Variants in SOX6 observed in about 807,000 individuals in gnomAD.
The protein encoded by SOX6 is transcription factor SOX-6.
A neutral mutation model predicts 97.8 loss-of-function variants in SOX6; 11 were observed. The observed-to-expected ratio is 0.11, with a 90% CI of 0.07 to 0.19. SOX6 has a LOEUF of 0.19. Ranked by LOEUF, SOX6 falls within the 10% of genes least tolerant of loss-of-function variation. SOX6 has a pLI of 1.00. For synonymous variants in SOX6, 360 were observed against 371.4 expected (o/e 0.97, Z 0.35); for missense variants, 810 against 1,039.5 (o/e 0.78, Z 3.04).
At chr11:16,282,284 AT>A (rs1854588659) in intron 3 of SOX6, among the ~76,000 whole-genome samples, 1 of 151,342 alleles carries the variant, frequency 6.6e-6, no homozygotes, top group African/African-American at 2.4e-5. Context: ...AAGAATATGT[AT>A]TTGATGAAAG....
intron 1 of SOX6, chr11:16,382,481 C>T (rs1338683310): frequency 3.9e-5 from 6 of 151,998 alleles, no homozygotes; most frequent in Non-Finnish European, 8.8e-5. Context: ...TTGCTATTTG[C>T]ACTTTCAATA....
At position 16,154,591 on chromosome 11, in the gene SOX6, G is replaced by C. The variant is rs560778531; in HGVS notation, c.777+29295C>G. Among the ~76,000 whole-genome samples, 4 of 152,094 alleles carry C rather than the reference G, an allele frequency of 2.6e-5. No homozygotes were observed. The South Asian group carries it at 8.3e-4, about 31-fold the overall frequency. On this transcript the variant is annotated intron_variant, in intron 6 of 15. Coordinates refer to ENST00000683767, the MANE Select transcript of SOX6 (RefSeq NM_001367873.1). Reference sequence around the variant, plus strand: ...ATCACCTGTCTCCGAATTAAATTAAGTACAGTGGTCTTCTGAATCATTCAA... The same window carrying C: ...ATCACCTGTCTCCGAATTAAATTAACTACAGTGGTCTTCTGAATCATTCAA...
At chr11:16,181,671 A>T (rs886840849) in intron 6 of SOX6, among the ~76,000 whole-genome samples, 3 of 151,632 alleles carry the variant, frequency 2.0e-5, no homozygotes, top group Admixed American at 6.6e-5. Context: ...CATTTGAAAA[A>T]TTTTTTGAAT....
At chr11:15,984,710 G>A (rs1479599119) in intron 15 of SOX6, among the ~76,000 whole-genome samples, 1 of 151,976 alleles carries the variant, frequency 6.6e-6, no homozygotes, top group African/African-American at 2.4e-5. Context: ...TAACATACTG[G>A]GATCTTTTAT....
At chr11:16,666,495 G>C (rs1847807693) in intron 3 of SOX6, among the ~76,000 whole-genome samples, 1 of 152,180 alleles carries the variant, frequency 6.6e-6, no homozygotes, top group Non-Finnish European at 1.5e-5. Flanking sequence ...TAGTGAGCTT[G>C]AAGACAGGCT....
intron 3 of SOX6, chr11:16,317,864 G>T: frequency 3.0e-6 from 1 of 333,228 alleles, no homozygotes; most frequent in Admixed American, 3.6e-5. Context: ...TTGTTTTCTA[G>T]GATGTACACG....
intron 6 of SOX6, among the ~76,000 whole-genome samples, chr11:16,144,474 G>A (rs1589970760): frequency 2.0e-5 from 3 of 152,258 alleles, no homozygotes; most frequent in African/African-American, 7.2e-5. Context: ...TCAAAAGCTA[G>A]CAGAAGGCAA....
chr11:16,431,316 G>A (rs1272481506), intron 1 of SOX6, among the ~76,000 whole-genome samples: 1 of 152,068 alleles, frequency 6.6e-6, no homozygotes, highest in African/African-American at 2.4e-5. Context: ...CTTAATGAGA[G>A]CAGGTATTTT....
chr11:16,640,504 C>G (rs979655258), intron 3 of SOX6, among the ~76,000 whole-genome samples: 4 of 152,154 alleles, frequency 2.6e-5, no homozygotes, highest in Admixed American at 2.6e-4. Context: ...CCTCCTTGTA[C>G]CTCTGGTAGA....
At chr11:16,470,372 T>C (rs1332788576) in intron 1 of SOX6, among the ~76,000 whole-genome samples, 2 of 152,186 alleles carry the variant, frequency 1.3e-5, no homozygotes, top group African/African-American at 2.4e-5. Flanking sequence ...GTCTGGGCTA[T>C]GCTCAGTTTT....
chr11:16,344,705 T>C (rs1856729403), intron 1 of SOX6, among the ~76,000 whole-genome samples: 1 of 152,008 alleles, frequency 6.6e-6, no homozygotes, highest in African/African-American at 2.4e-5. Flanking sequence ...ATATGACTAA[T>C]AAGTAAAAGA....
chr11:16,240,037 A>G (rs1335348970), intron 3 of SOX6, among the ~76,000 whole-genome samples: 1 of 152,114 alleles, frequency 6.6e-6, no homozygotes, highest in Non-Finnish European at 1.5e-5. Flanking sequence ...TGTTTACTCA[A>G]TATGAACAAT....
At chr11:16,436,689 C>T (rs1859382076) in intron 1 of SOX6, among the ~76,000 whole-genome samples, 1 of 152,148 alleles carries the variant, frequency 6.6e-6, no homozygotes, top group Non-Finnish European at 1.5e-5. Context: ...ATAATATCTA[C>T]TTTACTGGGT....
Position 16,452,003 on chromosome 11 carries a change from TAAA to T in SOX6, c.-5+24309_-5+24311del, listed in dbSNP as rs1487923046. Among the ~76,000 whole-genome samples the T allele has an allele frequency of 1.2e-3, 175 of 151,246 alleles. 1 individual carries two copies. The highest frequency in any genetic ancestry group is 7.7e-3 in the South Asian group (37 of 4,802). On this transcript the variant is annotated intron_variant, in intron 1 of 15. Coordinates refer to the SOX6 transcript ENST00000396356. ...ATCTAAAAATAAATAAATAAATAAA[TAAA>T]TAAATAAAATAAAATTTTAAAAAGC...
At chr11:16,130,962 T>G (rs550778622) in intron 6 of SOX6, among the ~76,000 whole-genome samples, 2 of 151,898 alleles carry the variant, frequency 1.3e-5, no homozygotes, top group African/African-American at 4.8e-5. Flanking sequence ...AAAATTTAAC[T>G]CAAAATGCAC....
chr11:16,279,624 C>A (rs1228448843), intron 3 of SOX6, among the ~76,000 whole-genome samples: 1 of 150,722 alleles, frequency 6.6e-6, no homozygotes, highest in African/African-American at 2.4e-5. Context: ...ATCAGAGAAT[C>A]AGATGAAAAC....
At chr11:16,306,626 T>TTTTTC (rs1565081674) in intron 3 of SOX6, among the ~76,000 whole-genome samples, 1 of 131,648 alleles carries the variant, frequency 7.6e-6, no homozygotes, top group African/African-American at 2.6e-5. Flanking sequence ...TTTTTTTTTT[T>TTTTTC]CTTTTTTTTT....
chr11:16,543,708 CA>C (rs1565176633), intron 4 of SOX6, among the ~76,000 whole-genome samples: 1 of 152,150 alleles, frequency 6.6e-6, no homozygotes, highest in Non-Finnish European at 1.5e-5. Context: ...AATCATTATT[CA>C]TTAGGAAAAT....
intron 1 of SOX6, among the ~76,000 whole-genome samples, chr11:16,404,503 A>G (rs1163096665): frequency 3.3e-5 from 5 of 151,932 alleles, no homozygotes; most frequent in African/African-American, 1.2e-4. Flanking sequence ...ACATGTTATC[A>G]ATAGAAAGCC....
Sources: allele counts gnomAD v4.1 joint callset (sites outside exome capture counted in the v4.1 genomes callset), GRCh38; gene constraint gnomAD v4.1.1; transcripts MANE v1.5; gene names NCBI Gene and HGNC (gene_info 2026-07-23, HGNC 2026-07-21).